Variants in IGF1R observed in about 807,000 individuals in gnomAD.
IGF1R encodes insulin-like growth factor 1 receptor.
Under a neutral mutation model 144.6 loss-of-function variants are expected in IGF1R, and 44 were observed. That is an observed-to-expected ratio of 0.30 (90% CI 0.24 to 0.39). The LOEUF is 0.39. IGF1R is among the 10% of genes least tolerant of loss of function. IGF1R has a pLI of 1.00. For synonymous variants in IGF1R, 795 were observed against 722.8 expected (o/e 1.10, Z -1.60); for missense variants, 1,355 against 1,833.7 (o/e 0.74, Z 4.77).
chr15:98,718,176 G>T (rs2054166588), intron 2 of IGF1R, among the ~76,000 whole-genome samples: 1 of 152,204 alleles, frequency 6.6e-6, no homozygotes. Context: ...CCGAAGCCGG[G>T]CTTCTGTTTC....
chr15:98,909,088 G>A (rs1392978242), intron 6 of IGF1R, among the ~76,000 whole-genome samples, 189 bp downstream of exon 6: 1 of 152,104 alleles, frequency 6.6e-6, no homozygotes, highest in Non-Finnish European at 1.5e-5. Context: ...GATACGTGAT[G>A]TATTCGTATT....
At chr15:98,930,960 G>A (rs2015916874) in intron 15 of IGF1R, among the ~76,000 whole-genome samples, 1 of 152,118 alleles carries the variant, frequency 6.6e-6, no homozygotes, top group Non-Finnish European at 1.5e-5. Flanking sequence ...TTAGGGTGAG[G>A]GGTTGGTCAC....
In IGF1R at chr15:98,707,117, A is replaced by G. The variant is rs915369149; in HGVS notation, c.95-445A>G. ...GTAGATTGATTGCCCTGTGTCCTTCAGGCAGGGTGCAGTAGTAAGTTATTG... is the reference window on the plus strand; with the variant it reads ...GTAGATTGATTGCCCTGTGTCCTTCGGGCAGGGTGCAGTAGTAAGTTATTG... On this transcript the variant is annotated intron_variant, in intron 1 of 20. Transcript: ENST00000650285. This position sits in a 1 kb window ranked among gnomAD's most constrained non-coding sequence, Gnocchi z 6.7. Among the ~76,000 whole-genome samples the G allele has an allele frequency of 1.3e-5, 2 of 152,170 alleles. No individual in the cohort carries two copies. Among genetic ancestry groups the G allele is most frequent in the Non-Finnish European group, 2.9e-5 (2 of 68,026 alleles).
At chr15:98,924,042 A>G in intron 12 of IGF1R, 30 bp downstream of exon 12, 1 of 1,607,122 alleles carries the variant, frequency 6.2e-7, no homozygotes, top group Non-Finnish European at 8.5e-7. Context: ...CCGTGCCTGC[A>G]TGTACTTCCA....
intron 5 of IGF1R, among the ~76,000 whole-genome samples, chr15:98,903,624 G>A (rs1455561660): frequency 6.6e-6 from 1 of 152,082 alleles, no homozygotes; most frequent in East Asian, 1.9e-4. Flanking sequence ...GGATTCCCCC[G>A]ACCCCCAGCC....
rs2016119190 is a variant in IGF1R, at chr15:98,935,769, C to T, written c.3297+343C>T. On this transcript the variant is annotated intron_variant, in intron 17 of 20. Transcript: ENST00000650285. The surrounding 1 kb of genome is among the most constrained non-coding windows in gnomAD (Gnocchi z 4.2). Reference sequence around the variant, plus strand: ...CCCTCCCCGAAGCTTTCCTGCCCCACTCCAGTAGCTATCTTCTCTGCTAAC... The same window carrying T: ...CCCTCCCCGAAGCTTTCCTGCCCCATTCCAGTAGCTATCTTCTCTGCTAAC... Among the ~76,000 whole-genome samples, 1 of 152,068 alleles carries T rather than the reference C, an allele frequency of 6.6e-6. No homozygotes were observed. Among genetic ancestry groups the T allele is most frequent in the South Asian group, 2.1e-4 (1 of 4,816 alleles).
chr15:98,657,697 T>G (rs1349773763), intron 1 of IGF1R, among the ~76,000 whole-genome samples: 1 of 152,124 alleles, frequency 6.6e-6, no homozygotes, highest in African/African-American at 2.4e-5. Context: ...AGAACTTTTG[T>G]TATGGTAGCC....
At position 98,707,330 on chromosome 15, in the gene IGF1R, T is replaced by C. The variant is rs2053889592; in HGVS notation, c.95-232T>C. On this transcript the variant is annotated intron_variant, in intron 1 of 20. Transcript: ENST00000650285. This position sits in a 1 kb window ranked among gnomAD's most constrained non-coding sequence, Gnocchi z 6.7. ...CGGGGATGGCCTCTCCCATGGTCGG[T>C]TGGAGTGTGTTGCACAGCGTCTGGT... 6.6e-6 allele frequency among the ~76,000 whole-genome samples: 1 copy of C among 152,162 alleles called. No homozygotes were observed. The highest frequency in any genetic ancestry group is 1.5e-5 in the Non-Finnish European group (1 of 68,034).
chr15:98,708,519 G>A (rs774727904), intron 2 of IGF1R, among the ~76,000 whole-genome samples: 5 of 152,204 alleles, frequency 3.3e-5, no homozygotes, highest in Non-Finnish European at 5.9e-5. Flanking sequence ...CATCCTTTGT[G>A]CGAAGTGATA....
intron 2 of IGF1R, among the ~76,000 whole-genome samples, chr15:98,741,142 G>GA (rs2054730597): frequency 6.6e-6 from 1 of 151,322 alleles, no homozygotes; most frequent in East Asian, 1.9e-4. Context: ...TAAATTATTA[G>GA]CAGACACTCT....
At chr15:98,909,010 G>A in intron 6 of IGF1R, 111 bp downstream of exon 6, 1 of 919,078 alleles carries the variant, frequency 1.1e-6, no homozygotes, top group South Asian at 1.4e-5. Flanking sequence ...TTTCACATGG[G>A]GGACCACTAG....
intron 2 of IGF1R, among the ~76,000 whole-genome samples, chr15:98,806,175 CTA>C (rs2056466202): frequency 6.6e-6 from 1 of 152,116 alleles, no homozygotes; most frequent in African/African-American, 2.4e-5. Context: ...AGTTGACGTC[CTA>C]TTACTGGTTT....
intron 2 of IGF1R, among the ~76,000 whole-genome samples, chr15:98,729,246 A>T (rs1428088338): frequency 1.3e-5 from 2 of 152,140 alleles, no homozygotes; most frequent in Non-Finnish European, 2.9e-5. Flanking sequence ...GTAGAGCATT[A>T]TATGTACTCT....
intron 1 of IGF1R, among the ~76,000 whole-genome samples, chr15:98,651,492 C>T (rs73473415): frequency 0.023 from 3,518 of 152,300 alleles, 115 homozygotes; most frequent in African/African-American, 0.081. Flanking sequence ...GTTTAGAAGA[C>T]ACGGGAGAAA....
At chr15:98,948,741 G>C (rs2016654078) in intron 20 of IGF1R, 33 bp downstream of exon 20, 1 of 1,612,022 alleles carries the variant, frequency 6.2e-7, no homozygotes, top group Non-Finnish European at 8.5e-7. Context: ...GTGCTCTTCT[G>C]AGTTCTCTTC....
intron 2 of IGF1R, among the ~76,000 whole-genome samples, chr15:98,871,349 G>T (rs1006151752): frequency 6.6e-6 from 1 of 152,168 alleles, no homozygotes; most frequent in Non-Finnish European, 1.5e-5. Flanking sequence ...GTATCATAAT[G>T]GTATTTACCT....
chr15:98,677,662 G>A (rs531209835), intron 1 of IGF1R, among the ~76,000 whole-genome samples: 7 of 152,272 alleles, frequency 4.6e-5, no homozygotes, highest in East Asian at 1.9e-4. Flanking sequence ...TTTTGTCCTC[G>A]TGAACACAAG....
chr15:98,788,054 C>CTGTGTGTGTGTGTG (rs771505030), intron 2 of IGF1R, among the ~76,000 whole-genome samples: 14 of 142,376 alleles, frequency 9.8e-5, no homozygotes, highest in African/African-American at 3.6e-4. Context: ...CTCTCTCTCT[C>CTGTGTGTGTGTGTG]TCTCTCTCTG....
At chr15:98,775,810 G>A (rs1015697445) in intron 2 of IGF1R, among the ~76,000 whole-genome samples, 1 of 152,310 alleles carries the variant, frequency 6.6e-6, no homozygotes, top group Admixed American at 6.5e-5. Flanking sequence ...GGGCTGGTTG[G>A]ATGATGAGAA....
Sources: gnomAD v4.1 joint callset for allele counts (sites outside exome capture counted in the v4.1 genomes callset) on GRCh38, gnomAD v4.1.1 for gene constraint, Gnocchi (gnomAD v3.1) non-coding constraint, MANE v1.5 for transcripts, NCBI Gene and HGNC (gene_info 2026-07-23, HGNC 2026-07-21) for gene names.